The following A2ML1 variants were observed in gnomAD, a reference collection of about 807,000 sequenced individuals.
A2ML1 encodes the protein alpha-2-macroglobulin-like protein 1.
A neutral mutation model predicts 181.9 loss-of-function variants in A2ML1; 161 were observed. That is an observed-to-expected ratio of 0.89 (90% confidence interval 0.78 to 1.01). The LOEUF (loss-of-function observed/expected upper bound fraction) is 1.01, where lower values mean the gene tolerates loss of function less well. Ranked by LOEUF, A2ML1 falls within the 50% of genes least tolerant of loss-of-function variation. The pLI, the probability that A2ML1 is intolerant of heterozygous loss-of-function variation, is 0.00. For missense variants in A2ML1, 1,670 were observed against 1,768.1 expected (o/e 0.94, Z 1.00); for synonymous variants, 663 against 666.8 (o/e 0.99, Z 0.09).
At position 8,869,223 on chromosome 12, in the gene A2ML1, A is replaced by G; in HGVS notation, c.4221+20A>G. On this transcript the variant is annotated intron_variant, in intron 33 of 35. Transcript: ENST00000299698. ...GATGAGGTAGGTATTCAGGAACCAG[A>G]TCAAAGAGCTGGATTGCTTACGGAT... 6.2e-7 allele frequency: 1 copy of G among 1,612,710 alleles called. No homozygotes were observed. The highest frequency in any genetic ancestry group is 1.7e-5 in the Admixed American group (1 of 60,000).
intron 28 of A2ML1, among the ~76,000 whole-genome samples, chr12:8,861,923 C>A (rs1944281316): frequency 6.6e-6 from 1 of 151,544 alleles, no homozygotes; most frequent in African/African-American, 2.4e-5. Flanking sequence ...TCATGCACAG[C>A]TAATTTTTGT....
chr12:8,829,274 C>G (rs1333769805), intron 3 of A2ML1, among the ~76,000 whole-genome samples: 1 of 152,150 alleles, frequency 6.6e-6, no homozygotes, highest in Admixed American at 6.5e-5. Context: ...TGGACTTTAC[C>G]TTACTCTCAG....
chr12:8,841,254 T>C lies in A2ML1; in HGVS notation c.1081-115T>C, dbSNP rs761149246. Reference sequence around the variant, plus strand: ...AAATGTATTCTTAGAAATTCTGTTATTACTTTTAGTGCCAAAAACCACAAT... The same window carrying C: ...AAATGTATTCTTAGAAATTCTGTTACTACTTTTAGTGCCAAAAACCACAAT... On this transcript the variant is annotated intron_variant, in intron 10 of 35. Transcript: ENST00000299698. The C allele has an allele frequency of 1.1e-5, 10 of 880,066 alleles. No individual in the cohort carries two copies. The African/African-American group carries it at 1.5e-4, about 14-fold the overall frequency. 54.5% of individuals were successfully genotyped at this position (880,066 alleles called of 1,614,324 possible). A position where few individuals can be genotyped will look rare whatever the true frequency, so the allele number is the denominator to read the frequency against.
chr12:8,841,333 A>T (rs771268802), intron 10 of A2ML1, 36 bp from the exon 11 acceptor site: 1 of 1,597,032 alleles, frequency 6.3e-7, no homozygotes, highest in Non-Finnish European at 8.5e-7. Context: ...CTTACTCCAA[A>T]CCTAATTCTA....
chr12:8,826,337 G>A (rs1253440338), intron 3 of A2ML1, among the ~76,000 whole-genome samples: 1 of 151,812 alleles, frequency 6.6e-6, no homozygotes, highest in East Asian at 1.9e-4. Context: ...TCACTTCTTT[G>A]GTAAAGTTTA....
chr12:8,853,991 C>T, intron 20 of A2ML1, 137 bp from the exon 21 acceptor site: 2 of 1,172,840 alleles, frequency 1.7e-6, no homozygotes, highest in African/African-American at 1.6e-5. Flanking sequence ...ATGGGCCCCA[C>T]CCCAGGTCTA....
chr12:8,879,055 C>A (rs1311515433), downstream of A2ML1, among the ~76,000 whole-genome samples: 1 of 152,120 alleles, frequency 6.6e-6, no homozygotes, highest in African/African-American at 2.4e-5. Flanking sequence ...TTGTTCTGTA[C>A]CTTTCTCCTC....
Position 8,875,800 on chromosome 12 carries a change from A to G in A2ML1, c.*2-258A>G, listed in dbSNP as rs190867608. 3 of 152,204 alleles carry G rather than the reference A, an allele frequency of 2.0e-5. No homozygotes were observed. The East Asian group carries it at 5.8e-4, about 29-fold the overall frequency. The allele number at this position is 152,204 out of a possible 1,614,324, so 9.4% of individuals were successfully genotyped here. ...AGCTAATGCTTGGTATTAAAACAAT[A>G]CTTTTTTCTATCAGATTGAAAATGG... On this transcript the variant is annotated intron_variant, in intron 35 of 35. Transcript: ENST00000299698.
At chr12:8,830,804 T>G (rs1943086355) in intron 4 of A2ML1, 1 of 152,180 alleles carries the variant, frequency 6.6e-6, no homozygotes, top group Non-Finnish European at 1.5e-5. Flanking sequence ...TTTCCCTATG[T>G]GCAGGGGAGT....
In A2ML1 at chr12:8,837,320, A is replaced by G. The variant is rs11047510; in HGVS notation, c.729-120A>G. 1,166,493 of 1,384,650 alleles carry G rather than the reference A, an allele frequency of 0.84. 493,397 individuals are homozygous for G. Among genetic ancestry groups the G allele is most frequent in the East Asian group, 0.97 (37,260 of 38,282 alleles). The allele number at this position is 1,384,650 out of a possible 1,614,324, so 85.8% of individuals were successfully genotyped here. A position where few individuals can be genotyped will look rare whatever the true frequency, so the allele number is the denominator to read the frequency against. On this transcript the variant is annotated intron_variant, in intron 7 of 35. Transcript: ENST00000299698. ...CAGGCGTGAGCCACTGCACTGGCCC[A>G]GATTGTCAGAGCTTTCTTTCAGAGG...
At chr12:8,827,241 G>A (rs1157318236) in intron 3 of A2ML1, among the ~76,000 whole-genome samples, 2 of 152,180 alleles carry the variant, frequency 1.3e-5, no homozygotes. Flanking sequence ...TGGGGAGGCT[G>A]AGGCAGGAGA....
At chr12:8,854,628 A>C in intron 21 of A2ML1, 152 bp from the exon 22 acceptor site, 1 of 762,226 alleles carries the variant, frequency 1.3e-6, no homozygotes, top group Non-Finnish European at 2.1e-6. Flanking sequence ...GGGTTGACGC[A>C]GAGTTCTTCT....
At chr12:8,883,934 C>T (rs1253282018) in intron 7 of A2ML1, among the ~76,000 whole-genome samples, 7 of 152,130 alleles carry the variant, frequency 4.6e-5, no homozygotes, top group South Asian at 4.2e-4. Flanking sequence ...TACAGGCGCC[C>T]GCCAACACGC....
chr12:8,856,661 C>A (rs11047623), intron 23 of A2ML1, among the ~76,000 whole-genome samples: 2,462 of 152,234 alleles, frequency 0.016, 59 homozygotes, highest in African/African-American at 0.055. Context: ...TCACATCACT[C>A]ATCAGCTCAG....
downstream of A2ML1, among the ~76,000 whole-genome samples, chr12:8,879,438 C>T (rs1944848339): frequency 6.6e-6 from 1 of 152,014 alleles, no homozygotes; most frequent in African/African-American, 2.4e-5. Context: ...TTGCAGTGAG[C>T]TGGGATTGCA....
chr12:8,842,076 C>G (rs986413714), intron 11 of A2ML1, among the ~76,000 whole-genome samples: 2 of 152,228 alleles, frequency 1.3e-5, no homozygotes, highest in Non-Finnish European at 2.9e-5. Flanking sequence ...GTCTGCAGAT[C>G]GGCTGGCCAT....
downstream of A2ML1, among the ~76,000 whole-genome samples, chr12:8,880,833 G>A (rs1944863786): frequency 6.6e-6 from 1 of 152,172 alleles, no homozygotes. Context: ...TTTCATAGAG[G>A]CAGCAAACAA....
intron 22 of A2ML1, 22 bp downstream of exon 22, chr12:8,854,853 T>A: frequency 6.2e-7 from 1 of 1,613,216 alleles, no homozygotes; most frequent in Non-Finnish European, 8.5e-7. Context: ...CAGAGCAGGA[T>A]TGGTGGTGAG....
intron 28 of A2ML1, among the ~76,000 whole-genome samples, chr12:8,862,728 C>A (rs1339932397): frequency 6.6e-6 from 1 of 152,052 alleles, no homozygotes; most frequent in Non-Finnish European, 1.5e-5. Flanking sequence ...AAATGTGTGT[C>A]CGAGACAATG....
Sources: allele counts gnomAD v4.1 joint callset (sites outside exome capture counted in the v4.1 genomes callset), GRCh38; gene constraint gnomAD v4.1.1; transcripts MANE v1.5; gene names NCBI Gene and HGNC (gene_info 2026-07-23, HGNC 2026-07-21).